The following CTNNA2 variants were observed in gnomAD, a reference collection of about 807,000 sequenced individuals.
CTNNA2 encodes the protein catenin alpha 2.
CTNNA2 carries 42 observed loss-of-function variants against 101.0 expected under a neutral mutation model. The ratio of observed to expected loss-of-function variants is 0.42; its 90% confidence interval spans 0.32 to 0.54. CTNNA2 has a LOEUF of 0.54. CTNNA2 is among the 20% of genes least tolerant of loss of function. The pLI is 0.14. For synonymous variants in CTNNA2, 450 were observed against 456.4 expected (o/e 0.99, Z 0.18); for missense variants, 871 against 1,223.1 (o/e 0.71, Z 4.29).
intron 2 of CTNNA2, among the ~76,000 whole-genome samples, chr2:79,665,099 AAAG>A (rs1243476726): frequency 5.3e-5 from 8 of 152,088 alleles, no homozygotes; most frequent in African/African-American, 1.7e-4. Context: ...CTCAATCCAG[AAAG>A]AAGTTCTTTC....
rs529911234 is a variant in CTNNA2 at position 80,126,828 on chromosome 2, C to T, written c.1056+217031C>T. Among the ~76,000 whole-genome samples the T allele has an allele frequency of 1.1e-4, 17 of 152,184 alleles. No homozygotes were observed. The Middle Eastern group carries it at 0.014, about 122-fold the overall frequency. ...TTGTTCTGTTCTTTCTCTTGCCTTC[C>T]AGCAGTCACATCTAAACCTGAAGAG... On this transcript the variant is annotated intron_variant, in intron 7 of 18. Coordinates refer to ENST00000402739, the MANE Select transcript of CTNNA2 (RefSeq NM_001282597.3).
chr2:79,280,656 T>TGTGTGTGAGAGA (rs1337075035), intron 2 of CTNNA2, among the ~76,000 whole-genome samples: 1 of 96,668 alleles, frequency 1.0e-5, no homozygotes, highest in Non-Finnish European at 2.1e-5. Flanking sequence ...TGTGTGTGTG[T>TGTGTGTGAGAGA]AAGAGAAAGA....
At chr2:79,770,656 A>C (rs1673506634) in intron 3 of CTNNA2, among the ~76,000 whole-genome samples, 1 of 152,242 alleles carries the variant, frequency 6.6e-6, no homozygotes, top group South Asian at 2.1e-4. Flanking sequence ...AAAATAGAGT[A>C]CAAAGAAATG....
intron 7 of CTNNA2, among the ~76,000 whole-genome samples, chr2:80,097,592 G>A (rs560366802): frequency 2.0e-5 from 3 of 152,244 alleles, no homozygotes; most frequent in African/African-American, 4.8e-5. Context: ...ATAATATCCC[G>A]CAGAGTGTTT....
chr2:79,466,844 C>G (rs1291839606), intron 4 of CTNNA2, among the ~76,000 whole-genome samples: 1 of 152,210 alleles, frequency 6.6e-6, no homozygotes, highest in African/African-American at 2.4e-5. Context: ...AACTAATGAA[C>G]AGAAAGGACA....
intron 2 of CTNNA2, among the ~76,000 whole-genome samples, chr2:79,210,962 A>G (rs1007873542): frequency 6.6e-6 from 1 of 152,014 alleles, no homozygotes; most frequent in Admixed American, 6.6e-5. Context: ...TTATCTCTTC[A>G]ATAGCTTTAT....
At chr2:80,176,336 T>C (rs984172459) in intron 7 of CTNNA2, among the ~76,000 whole-genome samples, 2 of 152,228 alleles carry the variant, frequency 1.3e-5, no homozygotes, top group African/African-American at 4.8e-5. Flanking sequence ...ATAAATCTTA[T>C]GTCACATGAC....
chr2:79,660,099 A>T (rs1006736133), intron 2 of CTNNA2, among the ~76,000 whole-genome samples: 2 of 152,124 alleles, frequency 1.3e-5, no homozygotes, highest in South Asian at 2.1e-4. Context: ...ATAAATACAT[A>T]TGTATATATA....
intron 2 of CTNNA2, among the ~76,000 whole-genome samples, chr2:79,674,334 A>C (rs558973473): frequency 9.5e-4 from 145 of 152,294 alleles, no homozygotes; most frequent in African/African-American, 3.4e-3. Flanking sequence ...AAGGATAAAC[A>C]GACTGTGTTA....
chr2:80,628,290 A>G (rs534516317), intron 18 of CTNNA2, among the ~76,000 whole-genome samples: 1 of 152,202 alleles, frequency 6.6e-6, no homozygotes, highest in South Asian at 2.1e-4. Flanking sequence ...GGAACCAAAA[A>G]AGAGCCCACA....
intron 9 of CTNNA2, among the ~76,000 whole-genome samples, chr2:80,478,381 G>A (rs1297621801): frequency 6.6e-6 from 1 of 152,038 alleles, no homozygotes; most frequent in East Asian, 1.9e-4. Flanking sequence ...TTGCTGTGCG[G>A]AAGCTTTTTA....
chr2:80,424,486 C>A (rs1003347509), intron 9 of CTNNA2, among the ~76,000 whole-genome samples: 22 of 152,126 alleles, frequency 1.4e-4, no homozygotes, highest in African/African-American at 4.3e-4. Context: ...GATTGAATGG[C>A]AAACATGTGT....
rs528964746 is a variant in CTNNA2, at chr2:79,576,293, A to G, written c.-6+63086A>G. On this transcript the variant is annotated intron_variant, in intron 1 of 18. Coordinates refer to ENST00000402739, the MANE Select transcript of CTNNA2 (RefSeq NM_001282597.3). ...CTGAGAGAAGGGAGAAGAATTTTAC[A>G]AAAAGAGTTAAAGGAGAGTTTATGG... 5.9e-5 allele frequency among the ~76,000 whole-genome samples: 9 copies of G among 152,324 alleles called. 1 individual carries two copies. Among genetic ancestry groups the G allele is most frequent in the Admixed American group, 5.2e-4 (8 of 15,288 alleles).
At chr2:80,635,115 C>T (rs534605835) in intron 18 of CTNNA2, among the ~76,000 whole-genome samples, 28 of 152,184 alleles carry the variant, frequency 1.8e-4, no homozygotes, top group African/African-American at 6.7e-4. Context: ...GGTTACAACT[C>T]ATTGTTAAAA....
intron 9 of CTNNA2, among the ~76,000 whole-genome samples, chr2:80,453,945 A>G (rs532472254): frequency 5.9e-5 from 9 of 152,330 alleles, no homozygotes; most frequent in African/African-American, 2.2e-4. Context: ...TGAAATAACA[A>G]TAAATTATTT....
chr2:80,386,765 A>G (rs374196089), intron 7 of CTNNA2, among the ~76,000 whole-genome samples: 1 of 152,216 alleles, frequency 6.6e-6, no homozygotes, highest in African/African-American at 2.4e-5. Context: ...TCACAGCTAC[A>G]TGATATTTTG....
chr2:79,691,148 A>T (rs1245470051), intron 2 of CTNNA2, among the ~76,000 whole-genome samples: 1 of 152,036 alleles, frequency 6.6e-6, no homozygotes, highest in Non-Finnish European at 1.5e-5. Flanking sequence ...AAGGTGAAAT[A>T]TAGAAAGAAC....
chr2:80,416,659 G>A (rs544594585), intron 8 of CTNNA2, among the ~76,000 whole-genome samples: 238 of 151,466 alleles, frequency 1.6e-3, no homozygotes, highest in Non-Finnish European at 2.9e-3. Context: ...TCACAATGTT[G>A]TAATATGTCT....
chr2:80,481,063 G>A (rs1051948444), intron 9 of CTNNA2, among the ~76,000 whole-genome samples: 1 of 152,192 alleles, frequency 6.6e-6, no homozygotes, highest in Non-Finnish European at 1.5e-5. Flanking sequence ...TGAAAACTGA[G>A]CCACATTTGG....
Sources: allele counts gnomAD v4.1 joint callset (sites outside exome capture counted in the v4.1 genomes callset), GRCh38; gene constraint gnomAD v4.1.1; transcripts MANE v1.5; gene names NCBI Gene and HGNC (gene_info 2026-07-23, HGNC 2026-07-21).